Variants in KIAA1217 observed in about 807,000 individuals in gnomAD.
KIAA1217 encodes sickle tail protein homolog.
KIAA1217 carries 88 observed loss-of-function variants against 163.9 expected under a neutral mutation model. The observed-to-expected ratio is 0.54, with a 90% CI of 0.45 to 0.64. The LOEUF is 0.64. Ranked by LOEUF, KIAA1217 falls within the 30% of genes least tolerant of loss-of-function variation. KIAA1217 has a pLI of 0.00. For synonymous variants in KIAA1217, 903 were observed against 923.1 expected, an observed-to-expected ratio of 0.98 and a Z score of 0.39; for missense variants, 2,372 against 2,475.0, an observed-to-expected ratio of 0.96 and a Z score of 0.88.
chr10:24,210,754 G>T (rs1456591403), intron 1 of KIAA1217, among the ~76,000 whole-genome samples: 1 of 152,108 alleles, frequency 6.6e-6, no homozygotes, highest in Admixed American at 6.6e-5. Flanking sequence ...GAACAAAGCA[G>T]ACTAAAAATA....
chr10:24,012,558 T>G (rs1408662012), intron 2 of KIAA1217, among the ~76,000 whole-genome samples: 2 of 152,194 alleles, frequency 1.3e-5, no homozygotes, highest in African/African-American at 4.8e-5. Flanking sequence ...GTCTCTTCCT[T>G]CAAGGCTGGT....
intron 2 of KIAA1217, among the ~76,000 whole-genome samples, chr10:24,065,871 G>A (rs1179573104): frequency 6.6e-6 from 1 of 152,166 alleles, no homozygotes; most frequent in African/African-American, 2.4e-5. Flanking sequence ...TCTTCTTGTT[G>A]AATTGATCCC....
intron 7 of KIAA1217, 75 bp from the exon 8 acceptor site, chr10:24,495,072 A>G: frequency 1.6e-6 from 2 of 1,219,532 alleles, no homozygotes; most frequent in Non-Finnish European, 2.3e-6. Context: ...CAAATAGTGG[A>G]TGGAATGGGC....
intron 1 of KIAA1217, among the ~76,000 whole-genome samples, chr10:23,699,144 C>T (rs1216312619): frequency 6.6e-6 from 1 of 152,234 alleles, no homozygotes; most frequent in African/African-American, 2.4e-5. Context: ...GCTCCTTCTG[C>T]CTGATCAGGT....
chr10:24,181,287 A>G (rs889054588), intron 2 of KIAA1217, among the ~76,000 whole-genome samples: 2 of 152,216 alleles, frequency 1.3e-5, no homozygotes, highest in Non-Finnish European at 2.9e-5. Flanking sequence ...CCCAGAGGAT[A>G]TGGAGTTGAG....
chr10:24,268,568 G>A (rs1266340744), intron 2 of KIAA1217, among the ~76,000 whole-genome samples: 1 of 140,790 alleles, frequency 7.1e-6, no homozygotes, highest in East Asian at 2.0e-4. Context: ...AACAGGTGCT[G>A]GAGAGGATGT....
intron 2 of KIAA1217, among the ~76,000 whole-genome samples, chr10:24,010,129 C>T (rs1320367194): frequency 6.6e-6 from 1 of 151,942 alleles, no homozygotes; most frequent in Non-Finnish European, 1.5e-5. Flanking sequence ...GTTCTAGCTT[C>T]CCATCCTTTA....
chr10:24,046,203 T>A (rs1231362955), intron 2 of KIAA1217, among the ~76,000 whole-genome samples: 1 of 152,092 alleles, frequency 6.6e-6, no homozygotes, highest in African/African-American at 2.4e-5. Context: ...GAAAAATAGC[T>A]TCCATCTCTT....
At chr10:24,195,253 G>T (rs2066930615) in intron 2 of KIAA1217, among the ~76,000 whole-genome samples, 1 of 152,186 alleles carries the variant, frequency 6.6e-6, no homozygotes, top group South Asian at 2.1e-4. Context: ...TGGAAACTCT[G>T]CAGTGCCTTT....
At chr10:24,425,136 G>A (rs985820607) in intron 3 of KIAA1217, among the ~76,000 whole-genome samples, 3 of 152,136 alleles carry the variant, frequency 2.0e-5, no homozygotes, top group African/African-American at 2.4e-5. Flanking sequence ...TGGCCAGTCC[G>A]TTTAGCGATT....
At chr10:24,364,680 G>A (rs2050517961) in intron 2 of KIAA1217, among the ~76,000 whole-genome samples, 1 of 152,160 alleles carries the variant, frequency 6.6e-6, no homozygotes, top group South Asian at 2.1e-4. Flanking sequence ...AGGAAAAGAT[G>A]TAACAGGTAG....
intron 2 of KIAA1217, among the ~76,000 whole-genome samples, chr10:24,320,912 T>A (rs2044059590): frequency 6.6e-6 from 1 of 152,002 alleles, no homozygotes; most frequent in South Asian, 2.1e-4. Flanking sequence ...CCGGGTGTGG[T>A]GGCAGGTGCC....
intron 1 of KIAA1217, among the ~76,000 whole-genome samples, chr10:23,918,339 G>C (rs923243843): frequency 6.6e-6 from 1 of 151,992 alleles, no homozygotes; most frequent in Non-Finnish European, 1.5e-5. Context: ...CAAAACAAGA[G>C]GCTAATGAGA....
At chr10:24,163,176 A>G (rs1466524927) in intron 2 of KIAA1217, among the ~76,000 whole-genome samples, 2 of 152,198 alleles carry the variant, frequency 1.3e-5, no homozygotes, top group Non-Finnish European at 2.9e-5. Context: ...AGCCTTCGAT[A>G]TAATGTATAT....
chr10:24,514,957 A>G (rs1267423131), intron 10 of KIAA1217, among the ~76,000 whole-genome samples: 2 of 151,986 alleles, frequency 1.3e-5, no homozygotes, highest in Non-Finnish European at 2.9e-5. Flanking sequence ...GCACCACTGC[A>G]CTCCAGCCTG....
At chr10:23,984,283 C>T (rs1028024257) in intron 1 of KIAA1217, among the ~76,000 whole-genome samples, 2 of 152,280 alleles carry the variant, frequency 1.3e-5, no homozygotes, top group Middle Eastern at 3.4e-3. Flanking sequence ...CTGTCTATTC[C>T]TGCCTATATA....
chr10:23,845,497 A>G (rs12252964), intron 1 of KIAA1217, among the ~76,000 whole-genome samples: 2,983 of 152,186 alleles, frequency 0.02, 103 homozygotes, highest in Admixed American at 0.051. Flanking sequence ...GTAATGATGA[A>G]CATTTTTTCA....
At chr10:23,972,340 T>C (rs1845349366) in intron 1 of KIAA1217, among the ~76,000 whole-genome samples, 1 of 152,120 alleles carries the variant, frequency 6.6e-6, no homozygotes, top group Admixed American at 6.5e-5. Flanking sequence ...CTATTTACAA[T>C]AGCAAAGACA....
chr10:23,976,218 C>A (rs1047766823), intron 1 of KIAA1217, among the ~76,000 whole-genome samples: 3 of 152,156 alleles, frequency 2.0e-5, no homozygotes, highest in Non-Finnish European at 4.4e-5. Context: ...GGAGATAAAG[C>A]AATTTATCCA....
Sources: gnomAD v4.1 joint callset for allele counts (sites outside exome capture counted in the v4.1 genomes callset) on GRCh38, gnomAD v4.1.1 for gene constraint, MANE v1.5 for transcripts, NCBI Gene and HGNC (gene_info 2026-07-23, HGNC 2026-07-21) for gene names.